PTPRA: variants seen among roughly 807,000 people sequenced by gnomAD.
PTPRA encodes receptor-type tyrosine-protein phosphatase alpha.
A neutral mutation model predicts 104.8 loss-of-function variants in PTPRA; 25 were observed. The observed-to-expected ratio is 0.24, with a 90% CI of 0.17 to 0.33. The LOEUF (loss-of-function observed/expected upper bound fraction) is 0.33. PTPRA is among the 10% of genes least tolerant of loss of function. The probability of loss-of-function intolerance (pLI) is 1.00; values close to 1 mark genes in which losing one functional copy is unlikely to be tolerated. For synonymous variants in PTPRA, 323 were observed against 368.9 expected, an observed-to-expected ratio of 0.88 and a Z score of 1.43; for missense variants, 765 against 1,015.3, an observed-to-expected ratio of 0.75 and a Z score of 3.35.
At chr20:2,911,752 G>T (rs1396452534) in intron 1 of PTPRA, among the ~76,000 whole-genome samples, 1 of 152,138 alleles carries the variant, frequency 6.6e-6, no homozygotes, top group Non-Finnish European at 1.5e-5. Context: ...ATCTAACTAT[G>T]TAAGAGCAGG....
chr20:3,020,255 C>T (rs2064793450), intron 13 of PTPRA, among the ~76,000 whole-genome samples: 1 of 152,118 alleles, frequency 6.6e-6, no homozygotes, highest in Admixed American at 6.5e-5. Flanking sequence ...GCCACCACGC[C>T]CAGCTAATTT....
intron 12 of PTPRA, 84 bp downstream of exon 12, chr20:3,015,969 A>G (rs1464950681): frequency 1.6e-6 from 2 of 1,289,932 alleles, no homozygotes; most frequent in African/African-American, 1.5e-5. Flanking sequence ...TGCTGAGTGG[A>G]TTAACCAGAA....
intron 1 of PTPRA, among the ~76,000 whole-genome samples, chr20:2,883,263 C>A (rs901836292): frequency 6.6e-6 from 1 of 152,056 alleles, no homozygotes; most frequent in African/African-American, 2.4e-5. Context: ...CTGAACCTAG[C>A]AAATATCATT....
At chr20:2,897,144 G>A (rs1221073959) in intron 1 of PTPRA, among the ~76,000 whole-genome samples, 1 of 152,188 alleles carries the variant, frequency 6.6e-6, no homozygotes, top group African/African-American at 2.4e-5. Context: ...TTAAGATGTT[G>A]GCTGGCAAGT....
At chr20:2,926,769 C>CTTTTTTTTTTTTTT (rs777386962) in intron 2 of PTPRA, among the ~76,000 whole-genome samples, 2 of 85,030 alleles carry the variant, frequency 2.4e-5, no homozygotes, top group African/African-American at 9.7e-5. Flanking sequence ...TTTCCTTTTC[C>CTTTTTTTTTTTTTT]TTTTTTTTTT....
At chr20:3,020,155 C>T (rs902208072) in intron 13 of PTPRA, among the ~76,000 whole-genome samples, 5 of 152,138 alleles carry the variant, frequency 3.3e-5, no homozygotes, top group Admixed American at 1.3e-4. Flanking sequence ...GTCGCCCAGG[C>T]TGAAGGGCAG....
chr20:2,941,798 C>T (rs912038522), intron 2 of PTPRA, among the ~76,000 whole-genome samples: 1 of 152,176 alleles, frequency 6.6e-6, no homozygotes, highest in African/African-American at 2.4e-5. Context: ...CCCTGCCCTC[C>T]TTAATGCCTC....
At chr20:2,919,863 C>G (rs2060040565) in intron 1 of PTPRA, among the ~76,000 whole-genome samples, 1 of 152,180 alleles carries the variant, frequency 6.6e-6, no homozygotes, top group South Asian at 2.1e-4. Flanking sequence ...ACAAATGTTT[C>G]TTACATCTTT....
chr20:2,904,943 T>C (rs539097837), intron 1 of PTPRA, among the ~76,000 whole-genome samples: 22 of 152,256 alleles, frequency 1.4e-4, no homozygotes, highest in African/African-American at 5.3e-4. Flanking sequence ...CCAAATTATA[T>C]AGAGCAGGGA....
chr20:2,873,064 A>G (rs904552092), upstream of PTPRA, among the ~76,000 whole-genome samples: 4 of 151,800 alleles, frequency 2.6e-5, no homozygotes, highest in African/African-American at 4.8e-5. This position sits in a 1 kb window ranked among gnomAD's most constrained non-coding sequence, Gnocchi z 4.4. Flanking sequence ...TAGGGGAGGG[A>G]AAAAAAAGAC....
At position 3,037,139 on chromosome 20, in the gene PTPRA, T is replaced by C; in HGVS notation, c.2199-15T>C. On this transcript the variant is annotated splice_polypyrimidine_tract_variant and intron_variant, in intron 22 of 23. Transcript: ENST00000399903. The surrounding 1 kb of genome is among the most constrained non-coding windows in gnomAD (Gnocchi z 4.3). The stretch of plus-strand genomic sequence containing the variant: ...GGCCATCACAGGTGTGGTAAATGTG[T>C]CTGCTCTGTTGCAGCGCCGGGGCAG... The C allele has an allele frequency of 6.2e-7, 1 of 1,612,740 alleles. No individual in the cohort carries two copies. The highest frequency in any genetic ancestry group is 8.5e-7 in the Non-Finnish European group (1 of 1,179,206).
chr20:2,909,988 C>CAT (rs3054530), intron 1 of PTPRA, among the ~76,000 whole-genome samples: 18 of 96,460 alleles, frequency 1.9e-4, no homozygotes, highest in Non-Finnish European at 3.0e-4. Flanking sequence ...TATCATATAT[C>CAT]ATATATATAA....
chr20:3,004,195 T>C (rs2063756947), intron 9 of PTPRA, among the ~76,000 whole-genome samples: 1 of 152,116 alleles, frequency 6.6e-6, no homozygotes, highest in Non-Finnish European at 1.5e-5. Context: ...TTGTTGTCTT[T>C]TTAGTAGAGA....
intron 2 of PTPRA, among the ~76,000 whole-genome samples, chr20:2,931,111 C>T (rs2060487096): frequency 6.6e-6 from 1 of 152,106 alleles, no homozygotes; most frequent in Admixed American, 6.6e-5. Flanking sequence ...CTGGGGCTCC[C>T]ACTCAAGATA....
intron 2 of PTPRA, among the ~76,000 whole-genome samples, chr20:2,945,880 G>C (rs2061110192): frequency 6.6e-6 from 1 of 151,882 alleles, no homozygotes; most frequent in African/African-American, 2.4e-5. Context: ...AGTGAGCTGA[G>C]ATTGTGCCAC....
chr20:2,975,367 A>G, intron 6 of PTPRA, 126 bp downstream of exon 6: 1 of 762,416 alleles, frequency 1.3e-6, no homozygotes, highest in Non-Finnish European at 1.9e-6. Flanking sequence ...CTTTCCCTTA[A>G]GTTATTTCCA....
intron 2 of PTPRA, among the ~76,000 whole-genome samples, chr20:2,938,770 G>A (rs1233244400): frequency 6.6e-6 from 1 of 151,976 alleles, no homozygotes; most frequent in African/African-American, 2.4e-5. Flanking sequence ...ATTCCATTTG[G>A]TACTCCTTAT....
chr20:3,012,092 G>C (rs907121801), intron 11 of PTPRA, among the ~76,000 whole-genome samples: 1 of 152,222 alleles, frequency 6.6e-6, no homozygotes, highest in Non-Finnish European at 1.5e-5. Context: ...AGTCAAGCTA[G>C]AAGGGAGCAG....
chr20:3,003,188 G>T (rs761192731), intron 9 of PTPRA, among the ~76,000 whole-genome samples: 6 of 152,038 alleles, frequency 3.9e-5, no homozygotes, highest in Non-Finnish European at 5.9e-5. Flanking sequence ...AGTTTATATT[G>T]TCCTTGAGGG....
Sources: gnomAD v4.1 joint callset for allele counts (sites outside exome capture counted in the v4.1 genomes callset) on GRCh38, gnomAD v4.1.1 for gene constraint, Gnocchi (gnomAD v3.1) non-coding constraint, MANE v1.5 for transcripts, NCBI Gene and HGNC (gene_info 2026-07-23, HGNC 2026-07-21) for gene names.